The following CADM2 variants were observed in gnomAD, a reference collection of about 807,000 sequenced individuals.
CADM2 encodes cell adhesion molecule 2.
In CADM2, 12 loss-of-function variants were observed where a neutral mutation model predicts 49.8. That is an observed-to-expected ratio of 0.24 (90% CI 0.15 to 0.39). CADM2 has a LOEUF of 0.39. Among genes scored for constraint, CADM2 ranks in the 10% least tolerant of loss-of-function variants. CADM2 has a pLI of 1.00. For missense variants in CADM2, 378 were observed against 492.3 expected, an observed-to-expected ratio of 0.77 and a Z score of 2.20; for synonymous variants, 214 against 175.4, an observed-to-expected ratio of 1.22 and a Z score of -1.74.
rs113130978 is a variant in CADM2, at chr3:85,488,173, A to G, written c.62-238349A>G. ...CCCTCTTTCTTTTGCTAAGGCCATT[A>G]AAGGTCTTACTAAGCCTGTGGGCTA... is the stretch of plus-strand genomic sequence containing the variant. On this transcript the variant is annotated intron_variant, in intron 1 of 9. Coordinates refer to ENST00000383699, the MANE Select transcript of CADM2 (RefSeq NM_001167675.2). Among the ~76,000 whole-genome samples, 491 of 152,272 alleles carry G rather than the reference A, an allele frequency of 3.2e-3. 3 individuals carry two copies. Among genetic ancestry groups the G allele is most frequent in the African/African-American group, 0.01 (431 of 41,562 alleles).
intron 1 of CADM2, among the ~76,000 whole-genome samples, chr3:84,986,025 A>G (rs1309276820): frequency 1.3e-5 from 2 of 152,230 alleles, no homozygotes; most frequent in Non-Finnish European, 2.9e-5. Flanking sequence ...AATGAACTTC[A>G]TCAGACAACT....
chr3:85,848,539 G>A (rs894169793), intron 3 of CADM2, among the ~76,000 whole-genome samples: 3 of 152,070 alleles, frequency 2.0e-5, no homozygotes, highest in Non-Finnish European at 4.4e-5. Context: ...TAAGATAATT[G>A]TGTTAATGCA....
chr3:85,535,108 C>T (rs6767256), intron 1 of CADM2, among the ~76,000 whole-genome samples: 12,418 of 152,062 alleles, frequency 0.082, 981 homozygotes, highest in African/African-American at 0.19. Context: ...TTTACAGACT[C>T]GATTGCACTT....
At chr3:85,526,909 G>T (rs1576721963) in intron 1 of CADM2, among the ~76,000 whole-genome samples, 2 of 152,260 alleles carry the variant, frequency 1.3e-5, no homozygotes, top group Admixed American at 1.3e-4. Flanking sequence ...GTAAGAATTT[G>T]TTTAGGATTT....
At chr3:86,046,657 A>G (rs1578053583) in intron 8 of CADM2, among the ~76,000 whole-genome samples, 1 of 152,146 alleles carries the variant, frequency 6.6e-6, no homozygotes, top group Non-Finnish European at 1.5e-5. Context: ...AGAAATCCTG[A>G]GTCCTAAACT....
chr3:85,460,325 A>G (rs1347438923), intron 1 of CADM2, among the ~76,000 whole-genome samples: 3 of 152,166 alleles, frequency 2.0e-5, no homozygotes, highest in Admixed American at 2.0e-4. Flanking sequence ...AGAAGCATGA[A>G]CCACTGTGAA....
chr3:85,502,149 T>A (rs1167871901), intron 1 of CADM2, among the ~76,000 whole-genome samples: 20 of 152,236 alleles, frequency 1.3e-4, no homozygotes, highest in East Asian at 3.9e-4. Flanking sequence ...ATTGAGTAGA[T>A]GAATTGAAAT....
intron 1 of CADM2, among the ~76,000 whole-genome samples, chr3:85,630,849 CAG>C: frequency 6.6e-6 from 1 of 151,932 alleles, no homozygotes; most frequent in South Asian, 2.1e-4. Context: ...ACAGAGCAGT[CAG>C]AGAGATCTAT....
At chr3:85,907,738 C>A (rs892837465) in intron 5 of CADM2, among the ~76,000 whole-genome samples, 2 of 152,040 alleles carry the variant, frequency 1.3e-5, no homozygotes, top group African/African-American at 4.8e-5. Context: ...TGGCGAAACT[C>A]CGTCTCTACA....
chr3:85,454,021 A>T (rs767744872), intron 1 of CADM2, among the ~76,000 whole-genome samples: 1 of 152,170 alleles, frequency 6.6e-6, no homozygotes, highest in Admixed American at 6.5e-5. Context: ...AGATTGAAGA[A>T]ATTATCCAAA....
intron 1 of CADM2, among the ~76,000 whole-genome samples, chr3:85,019,240 T>C (rs2107284635): frequency 6.6e-6 from 1 of 152,234 alleles, no homozygotes; most frequent in South Asian, 2.1e-4. Flanking sequence ...CCCAGCACTT[T>C]TGGAGCCTGA....
Position 85,646,415 on chromosome 3 carries a change from T to C in CADM2, c.62-80107T>C, listed in dbSNP as rs572547770. Among the ~76,000 whole-genome samples, 4 of 152,106 alleles carry C rather than the reference T, an allele frequency of 2.6e-5. No homozygotes were observed. In the East Asian group the frequency reaches 7.7e-4, roughly 29 times the overall value. On this transcript the variant is annotated intron_variant, in intron 1 of 9. Coordinates refer to ENST00000383699, the MANE Select transcript of CADM2 (RefSeq NM_001167675.2). Reference sequence around the variant, plus strand: ...GTCAATTAGGAGCACAAAAACTGACTTCAAGTTTCTGACAGGGTGATTTTC... The same window carrying C: ...GTCAATTAGGAGCACAAAAACTGACCTCAAGTTTCTGACAGGGTGATTTTC...
At chr3:85,313,164 A>G (rs771212563) in intron 1 of CADM2, among the ~76,000 whole-genome samples, 6 of 152,212 alleles carry the variant, frequency 3.9e-5, no homozygotes, top group Non-Finnish European at 8.8e-5. Flanking sequence ...GCTTTCTCTC[A>G]GGCAAGCGGC....
At chr3:85,777,396 C>T (rs1280002069) in intron 2 of CADM2, among the ~76,000 whole-genome samples, 1 of 151,988 alleles carries the variant, frequency 6.6e-6, no homozygotes, top group Non-Finnish European at 1.5e-5. Context: ...GCTGGAACTA[C>T]AGGCACATGC....
chr3:85,812,129 A>G (rs779638789), intron 3 of CADM2, among the ~76,000 whole-genome samples: 4 of 152,124 alleles, frequency 2.6e-5, no homozygotes, highest in Non-Finnish European at 5.9e-5. Flanking sequence ...TACCATCTAT[A>G]TATGGGTGTG....
chr3:85,107,702 TC>T (rs1235695109), intron 1 of CADM2, among the ~76,000 whole-genome samples: 1 of 134,698 alleles, frequency 7.4e-6, no homozygotes, highest in Non-Finnish European at 1.6e-5. Flanking sequence ...TCTTTCTCTT[TC>T]TTTTTTTTTT....
intron 1 of CADM2, among the ~76,000 whole-genome samples, chr3:85,240,319 A>G (rs2042502323): frequency 6.6e-6 from 1 of 151,524 alleles, no homozygotes; most frequent in African/African-American, 2.4e-5. Context: ...GAAATCATCT[A>G]TTGGTGATAA....
chr3:85,105,400 C>T (rs2038176811), intron 1 of CADM2, among the ~76,000 whole-genome samples: 1 of 152,216 alleles, frequency 6.6e-6, no homozygotes, highest in African/African-American at 2.4e-5. Flanking sequence ...AATGAGATAC[C>T]ATCTCACACC....
intron 1 of CADM2, among the ~76,000 whole-genome samples, chr3:85,649,400 A>G (rs1417965238): frequency 6.6e-6 from 1 of 152,196 alleles, no homozygotes; most frequent in African/African-American, 2.4e-5. Flanking sequence ...TGGCTGAGAT[A>G]TGCATTGCTG....
Sources: allele counts gnomAD v4.1 joint callset (sites outside exome capture counted in the v4.1 genomes callset), GRCh38; gene constraint gnomAD v4.1.1; transcripts MANE v1.5; gene names NCBI Gene and HGNC (gene_info 2026-07-23, HGNC 2026-07-21).